Variants in PINLYP observed in about 807,000 individuals in gnomAD.
PINLYP encodes phospholipase A2 inhibitor and LY6/PLAUR domain containing.
Under a neutral mutation model 15.8 loss-of-function variants are expected in PINLYP, and 12 were observed. The ratio of observed to expected loss-of-function variants is 0.76; its 90% CI spans 0.49 to 1.23. The LOEUF (loss-of-function observed/expected upper bound fraction) is 1.23, where lower values mean the gene tolerates loss of function less well. PINLYP is among the 50% of genes most tolerant of loss of function. PINLYP has a pLI of 0.00. For synonymous variants in PINLYP, 93 were observed against 97.7 expected (o/e 0.95, Z 0.28); for missense variants, 278 against 264.2 (o/e 1.05, Z -0.36).
intron 2 of PINLYP, among the ~76,000 whole-genome samples, chr19:43,577,727 A>T (rs1400091769): frequency 6.7e-6 from 1 of 149,534 alleles, no homozygotes; most frequent in African/African-American, 2.5e-5. Flanking sequence ...ACATGGTGAA[A>T]CCCCGTCTTT....
exon 2 of PINLYP, chr19:43,577,188 C>T (rs1472655712): frequency 3.3e-6 from 5 of 1,536,106 alleles, no homozygotes; most frequent in Non-Finnish European, 4.4e-6. Flanking sequence ...CTGATACACA[C>T]ACCATGAGGC....
intron 3 of PINLYP, 103 bp from the exon 4 acceptor site, chr19:43,581,109 G>A: frequency 8.1e-7 from 1 of 1,231,664 alleles, no homozygotes; most frequent in African/African-American, 1.5e-5. Flanking sequence ...ATCCCAGGAA[G>A]TTGTGGGGTT....
exon 1 of PINLYP, chr19:43,576,679 G>C (rs1972868944): frequency 6.2e-6 from 1 of 160,466 alleles, no homozygotes; most frequent in Non-Finnish European, 1.4e-5. Context: ...CACACAAGGA[G>C]TGTGAGCCGA....
At chr19:43,575,703 T>C (rs1972853525), upstream of PINLYP, 1 of 394,402 alleles carries the variant, frequency 2.5e-6, no homozygotes, top group Non-Finnish European at 4.6e-6. Context: ...CAGCCCCGCC[T>C]CCCTCCGCCA....
intron 3 of PINLYP, among the ~76,000 whole-genome samples, chr19:43,579,636 C>T (rs1046896965): frequency 6.0e-5 from 9 of 149,506 alleles, no homozygotes; most frequent in Non-Finnish European, 1.0e-4. Flanking sequence ...CGGTGGTTCA[C>T]GCCTGTAATC....
At chr19:43,577,754 A>C (rs1972884036) in intron 2 of PINLYP, among the ~76,000 whole-genome samples, 2 of 151,748 alleles carry the variant, frequency 1.3e-5, no homozygotes, top group Non-Finnish European at 2.9e-5. Context: ...AATACAAAAA[A>C]AGTTAGCTGA....
At position 43,578,586 on chromosome 19, in the gene PINLYP, G is replaced by GC. The variant is rs1370333659; in HGVS notation, c.71-3dup. On this transcript the variant is annotated splice_region_variant and splice_polypyrimidine_tract_variant and intron_variant, in intron 2 of 5. Coordinates refer to ENST00000599207, the Ensembl canonical transcript of PINLYP. ...TACAGCCTCGCCCTCTGTCTACACTGCAGGGTGCCCACTACACTGCGAAAT... is the reference window on the plus strand; with the variant it reads ...TACAGCCTCGCCCTCTGTCTACACTGCCAGGGTGCCCACTACACTGCGAAAT... 4.6e-6 allele frequency: 7 copies of GC among 1,534,320 alleles called. No homozygotes were observed. Among genetic ancestry groups the GC allele is most frequent in the Non-Finnish European group, 6.1e-6 (7 of 1,145,576 alleles).
intron 2 of PINLYP, 137 bp from the exon 3 acceptor site, chr19:43,578,453 T>G (rs1972890606): frequency 1.6e-6 from 1 of 609,456 alleles, no homozygotes; most frequent in Admixed American, 2.7e-5. Context: ...CCTTGGGCAG[T>G]GGTCAACATC....
At chr19:43,578,772 C>A in intron 3 of PINLYP, 66 bp downstream of exon 3, 1 of 1,218,204 alleles carries the variant, frequency 8.2e-7, no homozygotes, top group Non-Finnish European at 1.2e-6. Flanking sequence ...AAGAGACTAC[C>A]ATGCTGAGGG....
At chr19:43,575,599 G>A, upstream of PINLYP, 1 of 773,704 alleles carries the variant, frequency 1.3e-6, no homozygotes, top group South Asian at 2.3e-5. Flanking sequence ...TTCAAACCCC[G>A]GCGCGCCGGC....
At chr19:43,581,998 C>G (rs1972941698) in exon 6 of PINLYP, 1 of 1,536,148 alleles carries the variant, frequency 6.5e-7, no homozygotes, top group Non-Finnish European at 8.7e-7. Context: ...CTCACTCCCC[C>G]TGAAAAGCTA....
rs1011317266 is a variant in PINLYP, at chr19:43,581,575, A to G, written c.353A>G (p.Asn118Ser). 1.6e-5 allele frequency: 25 copies of G among 1,535,846 alleles called. No homozygotes were observed. The highest frequency in any genetic ancestry group is 1.7e-4 in the Middle Eastern group (1 of 6,012). ...TCCTCATCCTCAGTTCCCTTGACCAATCTTACTGAGAATGGCCTGATGTGC... is the reference window on the plus strand; with the variant it reads ...TCCTCATCCTCAGTTCCCTTGACCAGTCTTACTGAGAATGGCCTGATGTGC... Residue 118 changes from asparagine (N) to serine (S), a missense_variant, in exon 5 of 6, where the codon AAT becomes AGT. Physicochemically the swap from Asn to Ser is conservative, Grantham distance 46. Transcript: ENST00000599207.
intron 3 of PINLYP, 68 bp downstream of exon 3, chr19:43,578,774 T>C (rs757444770): frequency 2.7e-5 from 32 of 1,198,394 alleles, no homozygotes; most frequent in Admixed American, 1.2e-4. Flanking sequence ...GAGACTACCA[T>C]GCTGAGGGGG....
At chr19:43,575,552 G>T (rs1035314861), upstream of PINLYP, 57 of 1,383,158 alleles carry the variant, frequency 4.1e-5, no homozygotes, top group East Asian at 1.4e-3. Flanking sequence ...TGCGCCCTGC[G>T]CTGGCTAAAG....
chr19:43,581,470 T>C, intron 4 of PINLYP, 93 bp from the exon 5 acceptor site: 1 of 1,509,580 alleles, frequency 6.6e-7, no homozygotes, highest in Non-Finnish European at 8.8e-7. Flanking sequence ...ATGCAGTGTC[T>C]ATTAGCAACC....
At chr19:43,581,920 C>T (rs1600068754) in exon 6 of PINLYP, 1 of 1,536,590 alleles carries the variant, frequency 6.5e-7, no homozygotes, top group Non-Finnish European at 8.7e-7. Context: ...AGAGTATGTG[C>T]TTTACCAAGC....
At chr19:43,580,754 C>T in intron 3 of PINLYP, 1 of 898,198 alleles carries the variant, frequency 1.1e-6, no homozygotes, top group South Asian at 5.0e-5. Context: ...AGAAAGCACT[C>T]CAGGCCATGC....
exon 1 of PINLYP, chr19:43,576,755 G>A (rs1381843522): frequency 1.7e-5 from 3 of 181,794 alleles, no homozygotes; most frequent in African/African-American, 4.7e-5. Flanking sequence ...GGACATGCTG[G>A]GTGCTCCAAG....
exon 2 of PINLYP, chr19:43,577,191 C>T (rs1359213534): frequency 6.5e-6 from 10 of 1,536,074 alleles, no homozygotes; most frequent in South Asian, 1.2e-5. Flanking sequence ...ATACACACAC[C>T]ATGAGGCTCT....
Sources: gnomAD v4.1 joint callset for allele counts (sites outside exome capture counted in the v4.1 genomes callset) on GRCh38, gnomAD v4.1.1 for gene constraint, MANE v1.5 for transcripts, NCBI Gene and HGNC (gene_info 2026-07-23, HGNC 2026-07-21) for gene names.